PCDH11X: variants seen among roughly 807,000 people sequenced by gnomAD.
The protein encoded by PCDH11X is protocadherin 11 X-linked, also known as protocadherin-11 X-linked.
PCDH11X carries 18 observed loss-of-function variants against 53.3 expected under a neutral mutation model. That is an observed-to-expected ratio of 0.34 (90% CI 0.23 to 0.50). PCDH11X has a LOEUF of 0.50. PCDH11X is among the 20% of genes least tolerant of loss of function. PCDH11X has a pLI of 0.98. For synonymous variants in PCDH11X, 279 were observed against 393.3 expected (o/e 0.71, Z 3.44); for missense variants, 570 against 1,032.4 (o/e 0.55, Z 6.14).
At chrX:92,055,911 G>A (rs1220731847) in intron 6 of PCDH11X, among the ~76,000 whole-genome samples, 1 of 110,513 alleles carries the variant, frequency 9.0e-6, no homozygotes, top group Non-Finnish European at 1.9e-5. Context: ...AGTATTCCAT[G>A]GTATATATGT....
At chrX:92,124,889 G>C (rs959090874) in intron 6 of PCDH11X, among the ~76,000 whole-genome samples, 1 of 110,781 alleles carries the variant, frequency 9.0e-6, no homozygotes, top group Admixed American at 9.7e-5. Flanking sequence ...CTACTAAATT[G>C]TGAGCTCCAT....
At chrX:92,247,881 A>G (rs2148393644) in intron 7 of PCDH11X, among the ~76,000 whole-genome samples, 1 of 110,954 alleles carries the variant, frequency 9.0e-6, no homozygotes, top group South Asian at 3.8e-4. Context: ...CACCCTCTGT[A>G]GCTATTGTGC....
At chrX:92,232,231 A>G (rs1260679117) in intron 7 of PCDH11X, among the ~76,000 whole-genome samples, 1 of 111,340 alleles carries the variant, frequency 9.0e-6, no homozygotes, top group African/African-American at 3.3e-5. Context: ...AAAAGCCATG[A>G]TCACTGTGTT....
chrX:91,920,697 G>A (rs921143673), intron 6 of PCDH11X, among the ~76,000 whole-genome samples: 1 of 110,796 alleles, frequency 9.0e-6, no homozygotes, highest in African/African-American at 3.3e-5. Flanking sequence ...TTTACACTTT[G>A]TATGAACATT....
rs775375908 is a variant in PCDH11X at position 91,845,326 on chromosome X, T to A, written c.540+9282T>A. On this transcript the variant is annotated intron_variant, in intron 5 of 10. Transcript: ENST00000682573. ...TTGGAGGATGTAAGTATTTAACAGA[T>A]CCTGTGTGTTTCAGGAGGCATTTAA... Among the ~76,000 whole-genome samples the A allele has an allele frequency of 5.5e-5, 6 of 109,308 alleles. 1 individual carries two copies. In the South Asian group the frequency reaches 1.9e-3, roughly 35 times the overall value. The allele number at this position is 109,308 out of a possible 115,157, so 94.9% of individuals were successfully genotyped here.
chrX:91,973,452 TA>T (rs764254248), intron 6 of PCDH11X, among the ~76,000 whole-genome samples: 3,702 of 88,486 alleles, frequency 0.042, 90 homozygotes, highest in East Asian at 0.13. Context: ...AAAAAAAAAT[TA>T]AAAAAAAAAA....
At chrX:91,824,789 TC>T (rs979961531) in intron 4 of PCDH11X, among the ~76,000 whole-genome samples, 6 of 108,999 alleles carry the variant, frequency 5.5e-5, no homozygotes, top group Non-Finnish European at 1.9e-5. Context: ...TTCTGTTTTT[TC>T]CCCATCTTTG....
intron 10 of PCDH11X, among the ~76,000 whole-genome samples, chrX:92,602,498 C>T (rs72608343): frequency 0.23 from 25,633 of 109,827 alleles, 2,368 homozygotes; most frequent in African/African-American, 0.3. Context: ...AGGACATTGC[C>T]GAAAACAATC....
At position 92,601,229 on chromosome X, in the gene PCDH11X, G is replaced by T. The variant is rs529159934; in HGVS notation, c.3368-17035G>T. Among the ~76,000 whole-genome samples, 63 of 106,073 alleles carry T rather than the reference G, an allele frequency of 5.9e-4. 2 individuals are homozygous for T. The South Asian group carries it at 0.026, about 45-fold the overall frequency. The allele number at this position is 106,073 out of a possible 115,157, so 92.1% of individuals were successfully genotyped here. A position where few individuals can be genotyped will look rare whatever the true frequency, so the allele number is the denominator to read the frequency against. On this transcript the variant is annotated intron_variant, in intron 10 of 10. Transcript: ENST00000682573. ...GGACATGAGATTTGGGAGTTGCCAG[G>T]GGCAGAATGGTGTGGTTTGCCTGTG...
intron 5 of PCDH11X, among the ~76,000 whole-genome samples, chrX:91,855,041 G>A (rs1295417204): frequency 9.0e-6 from 1 of 111,651 alleles, no homozygotes; most frequent in African/African-American, 3.3e-5. Flanking sequence ...GGTTGCCTGT[G>A]CTTGTGAGGT....
At chrX:91,931,471 CA>C (rs2061383456) in intron 6 of PCDH11X, among the ~76,000 whole-genome samples, 1 of 110,688 alleles carries the variant, frequency 9.0e-6, no homozygotes, top group Non-Finnish European at 1.9e-5. Context: ...TCTTATGAAG[CA>C]GGGAGATTTC....
chrX:92,502,115 C>G (rs1227257759), intron 10 of PCDH11X, among the ~76,000 whole-genome samples: 1 of 110,412 alleles, frequency 9.1e-6, no homozygotes, highest in East Asian at 2.9e-4. Flanking sequence ...AACTATCATT[C>G]ATAATTGTTA....
At chrX:91,780,821 G>T (rs1339734936) in intron 1 of PCDH11X, among the ~76,000 whole-genome samples, 1 of 113,038 alleles carries the variant, frequency 8.8e-6, no homozygotes, top group Non-Finnish European at 1.9e-5. Context: ...GCATCTGAGC[G>T]CTTAGTCGCA....
chrX:92,082,755 A>G (rs1183011562), intron 6 of PCDH11X, among the ~76,000 whole-genome samples: 1 of 111,931 alleles, frequency 8.9e-6, no homozygotes, highest in Non-Finnish European at 1.9e-5. Flanking sequence ...AAGCATTAAC[A>G]TGATGGCATG....
chrX:91,893,040 A>G (rs1245285809), intron 6 of PCDH11X, among the ~76,000 whole-genome samples: 5 of 109,561 alleles, frequency 4.6e-5, no homozygotes, highest in Non-Finnish European at 1.9e-5. Flanking sequence ...TCGGCATGCT[A>G]TCATTTCCTT....
chrX:92,418,481 C>T (rs1269132259), intron 9 of PCDH11X, among the ~76,000 whole-genome samples: 1 of 111,244 alleles, frequency 9.0e-6, no homozygotes, highest in Non-Finnish European at 1.9e-5. Flanking sequence ...GTCTTATATA[C>T]TAAATGCTTT....
chrX:91,899,696 G>A lies in PCDH11X; in HGVS notation c.3033+20423G>A, dbSNP rs534451503. On this transcript the variant is annotated intron_variant, in intron 6 of 10. Transcript: ENST00000682573. The stretch of plus-strand genomic sequence containing the variant: ...CTAAATGTTATTACATAAAGTTAAC[G>A]ATAGTTAAATGCTGATATGAAATCA... Among the ~76,000 whole-genome samples, 5 of 111,182 alleles carry A rather than the reference G, an allele frequency of 4.5e-5. No homozygotes were observed. In the South Asian group the frequency reaches 2.0e-3, roughly 45 times the overall value.
intron 8 of PCDH11X, among the ~76,000 whole-genome samples, chrX:92,291,490 A>G: frequency 1.5e-5 from 1 of 66,471 alleles, no homozygotes; most frequent in Non-Finnish European, 2.8e-5. Context: ...TACAACACAC[A>G]TCTTCTGTAA....
intron 10 of PCDH11X, among the ~76,000 whole-genome samples, chrX:92,554,042 A>T (rs1317872093): frequency 9.2e-6 from 1 of 108,304 alleles, no homozygotes; most frequent in Non-Finnish European, 1.9e-5. Flanking sequence ...CCAAGAAAAA[A>T]TTTTTTAATC....
Sources: gnomAD v4.1 joint callset for allele counts (sites outside exome capture counted in the v4.1 genomes callset) on GRCh38, gnomAD v4.1.1 for gene constraint, MANE v1.5 for transcripts, NCBI Gene and HGNC (gene_info 2026-07-23, HGNC 2026-07-21) for gene names.